Variants in TEF observed in about 807,000 individuals in gnomAD.
TEF encodes the protein thyrotroph embryonic factor.
A neutral mutation model predicts 20.8 loss-of-function variants in TEF; 3 were observed. The observed-to-expected ratio is 0.14, with a 90% CI of 0.07 to 0.37. The LOEUF is 0.37. Among genes scored for constraint, TEF ranks in the 10% least tolerant of loss-of-function variants. The pLI, the probability that TEF is intolerant of heterozygous loss-of-function variation, is 1.00. For missense variants in TEF, 296 were observed against 397.9 expected, an observed-to-expected ratio of 0.74 and a Z score of 2.18; for synonymous variants, 180 against 171.1, an observed-to-expected ratio of 1.05 and a Z score of -0.41.
At chr22:41,374,469 G>A (rs1033440246) in intron 1 of TEF, among the ~76,000 whole-genome samples, 11 of 151,630 alleles carry the variant, frequency 7.3e-5, no homozygotes, top group South Asian at 4.2e-4. Context: ...GGAGAATGGC[G>A]TGAACCCAGG....
chr22:41,374,551 C>CAA (rs778761708), intron 1 of TEF, among the ~76,000 whole-genome samples: 4 of 131,128 alleles, frequency 3.1e-5, no homozygotes, highest in East Asian at 2.2e-4. Context: ...GACTCTGTCT[C>CAA]AAAAAAAAAA....
chr22:41,370,120 C>CT (rs762993542), intron 1 of TEF: 42,046 of 727,670 alleles, frequency 0.058, 161 homozygotes, highest in African/African-American at 0.099. Context: ...CTCTTTCCCC[C>CT]TTTTTTTTTT....
chr22:41,392,990 G>T (rs1363814014), intron 2 of TEF, among the ~76,000 whole-genome samples: 3 of 151,626 alleles, frequency 2.0e-5, no homozygotes, highest in Admixed American at 6.6e-5. Flanking sequence ...AGCCAAGATT[G>T]CACCAGTGCA....
intron 1 of TEF, among the ~76,000 whole-genome samples, chr22:41,384,363 C>G (rs2037070533): frequency 6.6e-6 from 1 of 152,104 alleles, no homozygotes; most frequent in Non-Finnish European, 1.5e-5. Flanking sequence ...ACATGTGTAA[C>G]TTTGTGACTG....
upstream of TEF, chr22:41,381,898 CG>C: frequency 8.2e-7 from 1 of 1,225,998 alleles, no homozygotes; most frequent in Non-Finnish European, 1.0e-6. Context: ...GGTCCGCAGG[CG>C]GGGTAGCGAT....
chr22:41,375,143 CTT>C (rs2036925138), intron 1 of TEF, among the ~76,000 whole-genome samples: 1 of 152,198 alleles, frequency 6.6e-6, no homozygotes, highest in South Asian at 2.1e-4. Context: ...AAAGGGCACT[CTT>C]GAGGGAGCTC....
intron 1 of TEF, chr22:41,369,020 C>G: frequency 1.0e-6 from 1 of 978,774 alleles, no homozygotes; most frequent in South Asian, 4.7e-5. Flanking sequence ...GGGTCCCCTC[C>G]TTGGTCCAGG....
intron 1 of TEF, among the ~76,000 whole-genome samples, chr22:41,373,132 A>C (rs570606096): frequency 6.6e-6 from 1 of 152,330 alleles, no homozygotes; most frequent in African/African-American, 2.4e-5. Context: ...AGGTATCCCC[A>C]GAACAACCCA....
Position 41,382,153 on chromosome 22 carries a change from C to T in TEF, c.109C>T (p.Leu37=), listed in dbSNP as rs1167762655. 1.8e-5 allele frequency: 22 copies of T among 1,240,310 alleles called. No individual in the cohort carries two copies. Among genetic ancestry groups the T allele is most frequent in the African/African-American group, 3.1e-5 (2 of 64,504 alleles). The allele number at this position is 1,240,310 out of a possible 1,614,324, so 76.8% of individuals were successfully genotyped here. A position where few individuals can be genotyped will look rare whatever the true frequency, so the allele number is the denominator to read the frequency against. The change falls in exon 1 of 4, where the codon CTG becomes TTG. Residue 37 remains leucine (L), a synonymous_variant. Transcript: ENST00000266304. ...GERGLSGSFP[L]VLKKLMENPP... is the part of the protein sequence containing the mutation. ...AAGGGGCCTGTCGGGGTCCTTCCCC[C>T]TGGTCCTGAAGAAGCTGATGGAGAA...
intron 1 of TEF, chr22:41,382,979 C>CT (rs1250714832): frequency 2.1e-6 from 1 of 470,962 alleles, no homozygotes; most frequent in Non-Finnish European, 4.4e-6. Context: ...GGGGCGTATA[C>CT]GGAAAGCAGG....
intron 2 of TEF, among the ~76,000 whole-genome samples, chr22:41,389,940 C>T (rs1390750254): frequency 6.6e-6 from 1 of 151,574 alleles, no homozygotes; most frequent in Non-Finnish European, 1.5e-5. Context: ...GCTTTTGTCG[C>T]CCAGGCTGGA....
chr22:41,387,321 G>T, intron 1 of TEF, 30 bp from the exon 2 acceptor site: 1 of 1,611,882 alleles, frequency 6.2e-7, no homozygotes, highest in Non-Finnish European at 8.5e-7. Flanking sequence ...TCTCCTGTGT[G>T]GTATTTCATC....
rs1462436809 is a variant in TEF, at chr22:41,382,141, G to C, written c.97G>C (p.Gly33Arg). 2 of 1,239,298 alleles carry C rather than the reference G, an allele frequency of 1.6e-6. No homozygotes were observed. Among genetic ancestry groups the C allele is most frequent in the Non-Finnish European group, 2.0e-6 (2 of 992,074 alleles). 76.8% of individuals were successfully genotyped at this position (1,239,298 alleles called of 1,614,324 possible). A position where few individuals can be genotyped will look rare whatever the true frequency, so the allele number is the denominator to read the frequency against. ...CGCAGCTGGGGAAAGGGGCCTGTCGGGGTCCTTCCCCCTGGTCCTGAAGAA... is the reference window on the plus strand; with the variant it reads ...CGCAGCTGGGGAAAGGGGCCTGTCGCGGTCCTTCCCCCTGGTCCTGAAGAA... ...GRAAGERGLS[G>R]SFPLVLKKLM... Residue 33 changes from glycine to arginine, a missense_variant, in exon 1 of 4, where the codon GGG becomes CGG. By Grantham distance (125) the Gly-to-Arg change is moderately radical (BLOSUM62 -2). Coordinates refer to ENST00000266304, the MANE Select transcript of TEF (RefSeq NM_003216.4).
At chr22:41,386,972 AGGT>A (rs1382725811) in intron 1 of TEF, among the ~76,000 whole-genome samples, 1 of 152,212 alleles carries the variant, frequency 6.6e-6, no homozygotes, top group Non-Finnish European at 1.5e-5. Context: ...TGAACCCAGG[AGGT>A]GGAGGTTGCA....
rs944079949 is a variant in TEF, at chr22:41,398,046, C to G, written c.*2086C>G. ...TGTTTGGTGCCCTCCCTTCTTTCCC[C>G]CAGGCAGTGGGTATCGGGTTCTTTC... On this transcript the variant is annotated 3_prime_UTR_variant, in exon 4 of 4. Coordinates refer to ENST00000266304, the MANE Select transcript of TEF (RefSeq NM_003216.4). The G allele has an allele frequency of 2.0e-5, 3 of 152,142 alleles. No individual in the cohort carries two copies. Among genetic ancestry groups the G allele is most frequent in the Non-Finnish European group, 4.4e-5 (3 of 68,038 alleles). 9.4% of individuals were successfully genotyped at this position (152,142 alleles called of 1,614,324 possible).
chr22:41,372,622 G>A lies in TEF; in HGVS notation c.67+5023G>A, dbSNP rs367743850. 5.3e-4 allele frequency among the ~76,000 whole-genome samples: 80 copies of A among 152,238 alleles called. No homozygotes were observed. The Middle Eastern group carries it at 0.01, about 19-fold the overall frequency. ...CCATGTGGGTACCATGTCTCGGGTC[G>A]TAGCTCTTCGTCACCCAGCCACTCA... is the stretch of plus-strand genomic sequence containing the variant. On this transcript the variant is annotated intron_variant, in intron 1 of 3. Coordinates refer to the TEF transcript ENST00000406644.
chr22:41,395,004 TTTTTG>T (rs997522558), intron 3 of TEF, among the ~76,000 whole-genome samples: 4 of 151,836 alleles, frequency 2.6e-5, no homozygotes, highest in African/African-American at 4.9e-5. Flanking sequence ...GTTTTGTTTG[TTTTTG>T]TTTTGTTTTG....
chr22:41,384,462 TCCTC>T (rs1054149639), intron 1 of TEF, among the ~76,000 whole-genome samples: 7 of 152,084 alleles, frequency 4.6e-5, no homozygotes, highest in African/African-American at 1.7e-4. Context: ...CCCCTCTCCT[TCCTC>T]CCAGAAAACC....
At chr22:41,393,820 A>AG (rs1329494376) in intron 2 of TEF, among the ~76,000 whole-genome samples, 16 of 149,702 alleles carry the variant, frequency 1.1e-4, no homozygotes, top group African/African-American at 2.9e-4. Flanking sequence ...ACATTTCTGG[A>AG]GGGGGTGGAA....
Sources: allele counts gnomAD v4.1 joint callset (sites outside exome capture counted in the v4.1 genomes callset), GRCh38; gene constraint gnomAD v4.1.1; transcripts MANE v1.5; gene names NCBI Gene and HGNC (gene_info 2026-07-23, HGNC 2026-07-21).